The following ZNF44 variants were observed in gnomAD, a reference collection of about 807,000 sequenced individuals.
ZNF44 encodes the protein zinc finger protein 44, also known as gonadotropin inducible transcription repressor-2.
A neutral mutation model predicts 11.7 loss-of-function variants in ZNF44; 9 were observed. The observed-to-expected ratio is 0.77, with a 90% CI of 0.46 to 1.35. The LOEUF is 1.35. Among genes scored for constraint, ZNF44 ranks in the 40% most tolerant of loss-of-function variants. ZNF44 has a pLI of 0.00. For missense variants in ZNF44, 696 were observed against 743.1 expected, an observed-to-expected ratio of 0.94 and a Z score of 0.74; for synonymous variants, 224 against 242.7, an observed-to-expected ratio of 0.92 and a Z score of 0.72.
downstream of ZNF44, among the ~76,000 whole-genome samples, chr19:12,246,022 A>G (rs1916759660): frequency 6.6e-6 from 1 of 152,152 alleles, no homozygotes; most frequent in South Asian, 2.1e-4. Flanking sequence ...TATAATTTGC[A>G]GTTTGGATTT....
At chr19:12,266,264 G>T (rs1306493163) in intron 5 of ZNF44, 1 of 985,202 alleles carries the variant, frequency 1.0e-6, no homozygotes. Context: ...ACCCCAGCCC[G>T]GCACACTCAC....
intron 5 of ZNF44, among the ~76,000 whole-genome samples, chr19:12,254,681 G>A (rs1917166266): frequency 6.6e-6 from 1 of 152,058 alleles, no homozygotes; most frequent in East Asian, 1.9e-4. Flanking sequence ...GTTGCAGTGA[G>A]CCGCAATCGC....
At chr19:12,242,040 G>A (rs1462152170), upstream of ZNF44, among the ~76,000 whole-genome samples, 1 of 152,168 alleles carries the variant, frequency 6.6e-6, no homozygotes, top group Non-Finnish European at 1.5e-5. Flanking sequence ...AAGGGATGGG[G>A]ATGGGAGGAA....
chr19:12,237,269 C>CG (rs578179021), intron 1 of ZNF44: 2 of 152,500 alleles, frequency 1.3e-5, no homozygotes, highest in Admixed American at 6.5e-5. Flanking sequence ...TGCGCAGGGA[C>CG]GGCTCAGGAT....
At chr19:12,251,842 G>A (rs1204717610) in intron 5 of ZNF44, among the ~76,000 whole-genome samples, 2 of 152,006 alleles carry the variant, frequency 1.3e-5, no homozygotes, top group African/African-American at 4.8e-5. Context: ...ACCTGAGGTC[G>A]GGAGTTTGAG....
intron 5 of ZNF44, among the ~76,000 whole-genome samples, chr19:12,265,161 G>A (rs1206689711): frequency 6.6e-6 from 1 of 151,988 alleles, no homozygotes; most frequent in Non-Finnish European, 1.5e-5. Context: ...GCTCATGCCC[G>A]TAATCCCAAC....
In ZNF44 at chr19:12,277,640, A is replaced by C. The variant is rs147331902; in HGVS notation, c.4-1558T>G. On this transcript the variant is annotated intron_variant, in intron 1 of 3. Transcript: ENST00000355684. ...AAAAAGATACATAAACAGGAAAGTGAAAAATGATAGAAAAGCCTTGTATTG... is the reference window on the plus strand; with the variant it reads ...AAAAAGATACATAAACAGGAAAGTGCAAAATGATAGAAAAGCCTTGTATTG... Among the ~76,000 whole-genome samples, 18 of 152,362 alleles carry C rather than the reference A, an allele frequency of 1.2e-4. No individual in the cohort carries two copies. In the East Asian group the frequency reaches 3.5e-3, roughly 29 times the overall value.
exon 8 of ZNF44, chr19:12,247,990 T>C: frequency 1.5e-6 from 2 of 1,341,840 alleles, no homozygotes; most frequent in Non-Finnish European, 2.0e-6. Flanking sequence ...TGAGCAGAGT[T>C]GTGATATACG....
chr19:12,242,861 T>G (rs999845097), downstream of ZNF44: 1 of 151,420 alleles, frequency 6.6e-6, no homozygotes, highest in Non-Finnish European at 1.5e-5. Context: ...GAAAAAAAAT[T>G]AAAAACTAAA....
intron 5 of ZNF44, among the ~76,000 whole-genome samples, chr19:12,264,996 C>T (rs1917669449): frequency 6.6e-6 from 1 of 151,926 alleles, no homozygotes; most frequent in African/African-American, 2.4e-5. Context: ...CTGTGCCCAG[C>T]CAGAAGTGGT....
chr19:12,263,101 C>T (rs546843219), intron 5 of ZNF44, among the ~76,000 whole-genome samples: 55 of 149,036 alleles, frequency 3.7e-4, no homozygotes, highest in Non-Finnish European at 6.7e-4. Flanking sequence ...TTTTTTTTTC[C>T]GGAGACGGAG....
intron 1 of ZNF44, among the ~76,000 whole-genome samples, chr19:12,287,321 T>TC (rs1424469926): frequency 1.3e-5 from 2 of 152,040 alleles, no homozygotes; most frequent in Admixed American, 1.3e-4. Context: ...TTCAAGGGAT[T>TC]CTCCTGCCTC....
chr19:12,255,092 AC>A (rs949946397), intron 5 of ZNF44, among the ~76,000 whole-genome samples: 1 of 23,184 alleles, frequency 4.3e-5, no homozygotes. Flanking sequence ...CCGTCTCAAA[AC>A]ACACACACAC....
At chr19:12,247,616 C>G, downstream of ZNF44, 4 of 1,334,952 alleles carry the variant, frequency 3.0e-6, no homozygotes, top group Non-Finnish European at 4.0e-6. Context: ...CATACTGTTT[C>G]TTTGCAGTGT....
intron 1 of ZNF44, 78 bp downstream of exon 1, chr19:12,294,614 G>C (rs1397072827): frequency 6.5e-7 from 1 of 1,528,742 alleles, no homozygotes; most frequent in Non-Finnish European, 8.8e-7. Flanking sequence ...GCGAGGCCCG[G>C]GTCCCGCCAC....
chr19:12,245,788 CT>C (rs548258094), downstream of ZNF44, among the ~76,000 whole-genome samples: 8 of 150,130 alleles, frequency 5.3e-5, no homozygotes, highest in Admixed American at 1.3e-4. Flanking sequence ...TTTCTAGAAT[CT>C]TTTTTTTTTC....
chr19:12,280,342 T>C (rs1320121955), intron 1 of ZNF44, among the ~76,000 whole-genome samples: 2 of 152,222 alleles, frequency 1.3e-5, no homozygotes, highest in Admixed American at 6.5e-5. Context: ...CGGAACTGTC[T>C]ATTATACCAG....
At chr19:12,263,084 C>CTTT (rs113781753) in intron 5 of ZNF44, among the ~76,000 whole-genome samples, 2 of 143,292 alleles carry the variant, frequency 1.4e-5, no homozygotes, top group Non-Finnish European at 3.1e-5. Flanking sequence ...ATTCATCAAT[C>CTTT]TTTTTTTTTT....
chr19:12,287,182 C>T (rs1212396246), intron 1 of ZNF44, among the ~76,000 whole-genome samples: 3 of 151,884 alleles, frequency 2.0e-5, no homozygotes, highest in Non-Finnish European at 4.4e-5. Flanking sequence ...TGGAGCAACC[C>T]CCATTATCCA....
Sources: gnomAD v4.1 joint callset for allele counts (sites outside exome capture counted in the v4.1 genomes callset) on GRCh38, gnomAD v4.1.1 for gene constraint, MANE v1.5 for transcripts, NCBI Gene and HGNC (gene_info 2026-07-23, HGNC 2026-07-21) for gene names.